Variants in TAS2R1 observed in about 807,000 individuals in gnomAD.
TAS2R1 encodes the protein taste receptor type 2 member 1.
For missense variants in TAS2R1, 370 were observed against 353.4 expected (o/e 1.05, Z -0.38); for synonymous variants, 141 against 134.2 (o/e 1.05, Z -0.35).
At chr5:9,705,378 A>C (rs1179633437) in intron 1 of TAS2R1, among the ~76,000 whole-genome samples, 1 of 152,056 alleles carries the variant, frequency 6.6e-6, no homozygotes, top group Non-Finnish European at 1.5e-5. Flanking sequence ...TGCTTTCCTA[A>C]TAACTAAGCT....
intron 1 of TAS2R1, among the ~76,000 whole-genome samples, chr5:9,673,649 A>C (rs1740814100): frequency 1.3e-5 from 2 of 152,006 alleles, no homozygotes; most frequent in Admixed American, 6.6e-5. Flanking sequence ...AGCTGAAAAA[A>C]AAAACAGAAT....
At chr5:9,850,001 G>A in the TAS2R1 span, among the ~76,000 whole-genome samples, 4 of 152,174 alleles carry the variant, frequency 2.6e-5, no homozygotes, top group Non-Finnish European at 2.9e-5. Context: ...CTCACAGTTC[G>A]TGCTAAGTCC....
chr5:9,816,698 C>T, the TAS2R1 span, among the ~76,000 whole-genome samples: 2 of 152,020 alleles, frequency 1.3e-5, no homozygotes, highest in African/African-American at 4.8e-5. Context: ...TTCTCTTAGC[C>T]TATTTTGAAA....
rs1038980282 is a variant in TAS2R1 at position 9,630,170 on chromosome 5, T to C, written c.-138A>G. ...ACAATAAAGGCATGGGGCAGGAAGG[T>C]GGTGTACATTTGTTTATGTCACTGC... On this transcript the variant is annotated 5_prime_UTR_variant, in exon 1 of 1. Transcript: ENST00000382492. 10 of 665,496 alleles carry C rather than the reference T, an allele frequency of 1.5e-5. No homozygotes were observed. Among genetic ancestry groups the C allele is most frequent in the Non-Finnish European group, 2.4e-5 (10 of 412,832 alleles). The allele number at this position is 665,496 out of a possible 1,614,324, so 41.2% of individuals were successfully genotyped here.
At chr5:9,806,193 C>G in the TAS2R1 span, among the ~76,000 whole-genome samples, 16 of 152,058 alleles carry the variant, frequency 1.1e-4, no homozygotes, top group South Asian at 4.2e-4. Flanking sequence ...AATACCTAAT[C>G]AAGAAGGTAA....
At chr5:9,819,696 G>A in the TAS2R1 span, among the ~76,000 whole-genome samples, 1 of 152,094 alleles carries the variant, frequency 6.6e-6, no homozygotes, top group African/African-American at 2.4e-5. Context: ...GCTGACATGA[G>A]GTGCATTAAA....
the TAS2R1 span, among the ~76,000 whole-genome samples, chr5:9,778,239 A>G: frequency 1.3e-5 from 2 of 152,190 alleles, no homozygotes; most frequent in African/African-American, 4.8e-5. Flanking sequence ...TTTTTTTCCT[A>G]AACAGTAGAT....
chr5:9,822,126 C>T, the TAS2R1 span, among the ~76,000 whole-genome samples: 1 of 152,056 alleles, frequency 6.6e-6, no homozygotes, highest in African/African-American at 2.4e-5. Context: ...TCTTTCCTTC[C>T]TTAAGACTTT....
At chr5:9,798,777 A>G in the TAS2R1 span, among the ~76,000 whole-genome samples, 2 of 152,334 alleles carry the variant, frequency 1.3e-5, no homozygotes, top group African/African-American at 4.8e-5. Context: ...GACTGTGCCA[A>G]CGTAAGTAAA....
intron 2 of TAS2R1, among the ~76,000 whole-genome samples, chr5:9,644,311 TGTTGTTAG>T (rs1405208922): frequency 6.6e-6 from 1 of 152,090 alleles, no homozygotes; most frequent in Non-Finnish European, 1.5e-5. Flanking sequence ...AGGCAAGGCA[TGTTGTTAG>T]CTTAAATTAG....
the TAS2R1 span, among the ~76,000 whole-genome samples, chr5:9,764,840 T>C: frequency 6.6e-6 from 1 of 152,212 alleles, no homozygotes; most frequent in Non-Finnish European, 1.5e-5. Context: ...TTATGGCACC[T>C]GTTTAAAACC....
At chr5:9,829,582 T>C in the TAS2R1 span, among the ~76,000 whole-genome samples, 1 of 152,248 alleles carries the variant, frequency 6.6e-6, no homozygotes, top group Non-Finnish European at 1.5e-5. Flanking sequence ...TCTATTTTTC[T>C]GCTTTTGATT....
upstream of TAS2R1, among the ~76,000 whole-genome samples, chr5:9,632,183 C>T (rs542310809): frequency 2.6e-3 from 399 of 152,282 alleles, 2 homozygotes; most frequent in South Asian, 5.4e-3. Context: ...GTTGGTTTTC[C>T]AGTACATATA....
At chr5:9,684,836 G>T (rs1025023240) in intron 1 of TAS2R1, among the ~76,000 whole-genome samples, 2 of 151,100 alleles carry the variant, frequency 1.3e-5, no homozygotes, top group Non-Finnish European at 3.0e-5. Flanking sequence ...TATGTACAAT[G>T]ATTATGTATC....
At chr5:9,682,273 A>G (rs1438092688) in intron 1 of TAS2R1, among the ~76,000 whole-genome samples, 1 of 152,242 alleles carries the variant, frequency 6.6e-6, no homozygotes, top group African/African-American at 2.4e-5. Context: ...CAGGTTTGGC[A>G]GAACATGGCT....
At chr5:9,738,590 A>G in the TAS2R1 span, among the ~76,000 whole-genome samples, 44 of 152,232 alleles carry the variant, frequency 2.9e-4, no homozygotes, top group African/African-American at 1.0e-3. Context: ...TAAATTAAAC[A>G]CCCATTTCTA....
chr5:9,821,607 G>C, the TAS2R1 span, among the ~76,000 whole-genome samples: 1 of 152,212 alleles, frequency 6.6e-6, no homozygotes, highest in East Asian at 1.9e-4. Flanking sequence ...TGATTCCAAA[G>C]AGATGCAAGA....
chr5:9,804,030 G>A, the TAS2R1 span, among the ~76,000 whole-genome samples: 1 of 152,076 alleles, frequency 6.6e-6, no homozygotes, highest in Non-Finnish European at 1.5e-5. Context: ...TAAACTTAAG[G>A]TAAAGGGGAG....
upstream of TAS2R1, among the ~76,000 whole-genome samples, chr5:9,630,992 T>G (rs974580494): frequency 2.6e-5 from 4 of 152,268 alleles, no homozygotes; most frequent in African/African-American, 9.6e-5. Flanking sequence ...GCTACATAAC[T>G]CTTTGTTAGG....
Sources: gnomAD v4.1 joint callset for allele counts (sites outside exome capture counted in the v4.1 genomes callset) on GRCh38, gnomAD v4.1.1 for gene constraint, MANE v1.5 for transcripts, NCBI Gene and HGNC (gene_info 2026-07-23, HGNC 2026-07-21) for gene names.